Variants in ZFAND3 observed in about 807,000 individuals in gnomAD.
The protein encoded by ZFAND3 is zinc finger AN1-type containing 3, also known as AN1-type zinc finger protein 3.
A neutral mutation model predicts 29.6 loss-of-function variants in ZFAND3; 10 were observed. That is an observed-to-expected ratio of 0.34 (90% CI 0.21 to 0.57). The LOEUF is 0.57. ZFAND3 is among the 20% of genes least tolerant of loss of function. ZFAND3 has a pLI of 0.86. For missense variants in ZFAND3, 230 were observed against 304.5 expected (o/e 0.76, Z 1.82); for synonymous variants, 128 against 112.6 (o/e 1.14, Z -0.87).
chr6:38,059,994 C>G (rs901095615), intron 2 of ZFAND3, among the ~76,000 whole-genome samples: 2 of 152,176 alleles, frequency 1.3e-5, no homozygotes, highest in Admixed American at 6.5e-5. Flanking sequence ...TTGTCAGTTT[C>G]TCATCAATAT....
intron 5 of ZFAND3, among the ~76,000 whole-genome samples, chr6:38,134,841 G>T (rs2127492734): frequency 6.6e-6 from 1 of 152,306 alleles, no homozygotes; most frequent in East Asian, 1.9e-4. Flanking sequence ...ATAAGATTCT[G>T]TGCCAGCATA....
At chr6:37,899,743 A>G (rs1485787393) in intron 1 of ZFAND3, among the ~76,000 whole-genome samples, 1 of 152,210 alleles carries the variant, frequency 6.6e-6, no homozygotes, top group Non-Finnish European at 1.5e-5. Flanking sequence ...TAATACAACT[A>G]ATGCACATGG....
intron 2 of ZFAND3, among the ~76,000 whole-genome samples, chr6:37,969,124 G>A (rs1390688592): frequency 6.6e-6 from 1 of 152,208 alleles, no homozygotes; most frequent in Non-Finnish European, 1.5e-5. Flanking sequence ...ACAGTGTTAA[G>A]TGTTTGTGTG....
intron 1 of ZFAND3, among the ~76,000 whole-genome samples, chr6:37,902,059 T>C (rs1765327743): frequency 6.6e-6 from 1 of 152,224 alleles, no homozygotes; most frequent in Non-Finnish European, 1.5e-5. Context: ...TCAGCGTTTG[T>C]ATTTGTATAT....
chr6:38,085,314 A>C (rs1764735465), intron 4 of ZFAND3, among the ~76,000 whole-genome samples: 2 of 152,220 alleles, frequency 1.3e-5, no homozygotes, highest in South Asian at 4.1e-4. Context: ...TAGGAGACAC[A>C]GAGTGAGACC....
chr6:37,897,340 G>T (rs946221319), intron 1 of ZFAND3, among the ~76,000 whole-genome samples: 6 of 152,116 alleles, frequency 3.9e-5, no homozygotes, highest in African/African-American at 1.4e-4. Context: ...TGTCTGTAAG[G>T]TTCATCTTTG....
In ZFAND3 at chr6:38,154,085, C is replaced by G. The variant is rs978037862; in HGVS notation, c.*1696C>G. 1 of 985,466 alleles carries G rather than the reference C, an allele frequency of 1.0e-6. No individual in the cohort carries two copies. The highest frequency in any genetic ancestry group is 1.2e-6 in the Non-Finnish European group (1 of 830,020). The allele number at this position is 985,466 out of a possible 1,614,324, so 61.0% of individuals were successfully genotyped here. On this transcript the variant is annotated 3_prime_UTR_variant, in exon 6 of 6. Transcript: ENST00000287218. ...TTAATTCTTGCTTCAGGACCCAGAC[C>G]GGTGTCTTGCTCTAGGGCAACCCAG...
chr6:38,023,748 C>T (rs1763394516), intron 2 of ZFAND3, among the ~76,000 whole-genome samples: 1 of 152,124 alleles, frequency 6.6e-6, no homozygotes, highest in East Asian at 1.9e-4. Context: ...ATAGCTTTTA[C>T]AAAAAAGTGA....
intron 1 of ZFAND3, among the ~76,000 whole-genome samples, chr6:37,841,539 G>A (rs1401998301): frequency 1.3e-5 from 2 of 152,034 alleles, no homozygotes; most frequent in African/African-American, 2.4e-5. Flanking sequence ...GCTGGAGTGC[G>A]GTGGCGCGAA....
rs75644877 is a variant in ZFAND3, at chr6:38,115,084, G to A, written c.362-1488G>A. Among the ~76,000 whole-genome samples, 2,711 of 151,936 alleles carry A rather than the reference G, an allele frequency of 0.018. 252 individuals are homozygous for A. In the East Asian group the frequency reaches 0.28, roughly 16 times the overall value. On this transcript the variant is annotated intron_variant, in intron 4 of 5. Transcript: ENST00000287218. ...AATAAAATTTAAAAGAAAATGTGAC[G>A]TTGGAGCAAAGATATCAAAGGGAAT...
intron 1 of ZFAND3, among the ~76,000 whole-genome samples, chr6:37,918,971 TG>T (rs869147940): frequency 7.1e-5 from 8 of 111,956 alleles, no homozygotes; most frequent in South Asian, 2.6e-4. Context: ...TTTTTTTTTT[TG>T]AGACGGAGTC....
At chr6:37,826,675 TC>T (rs1400167635) in intron 1 of ZFAND3, among the ~76,000 whole-genome samples, 1 of 151,148 alleles carries the variant, frequency 6.6e-6, no homozygotes, top group Non-Finnish European at 1.5e-5. Flanking sequence ...TTCGCTTGAA[TC>T]CAGGAGGCAG....
At chr6:38,101,390 A>G (rs1451202248) in intron 4 of ZFAND3, among the ~76,000 whole-genome samples, 1 of 152,214 alleles carries the variant, frequency 6.6e-6, no homozygotes, top group Non-Finnish European at 1.5e-5. Context: ...GAAAAGGTGT[A>G]AGGCTTTCTC....
At chr6:37,853,099 T>C (rs369697813) in intron 1 of ZFAND3, among the ~76,000 whole-genome samples, 6 of 152,264 alleles carry the variant, frequency 3.9e-5, no homozygotes, top group African/African-American at 1.4e-4. Flanking sequence ...TTTCACTTCA[T>C]TTTATATGGT....
At chr6:37,865,448 A>G (rs565611555) in intron 1 of ZFAND3, among the ~76,000 whole-genome samples, 1 of 152,330 alleles carries the variant, frequency 6.6e-6, no homozygotes, top group South Asian at 2.1e-4. Flanking sequence ...AGCTGACTGT[A>G]TGTAAAATAT....
chr6:38,095,294 A>C (rs9470772), intron 4 of ZFAND3, among the ~76,000 whole-genome samples: 18,036 of 152,248 alleles, frequency 0.12, 1,328 homozygotes, highest in East Asian at 0.28. Context: ...AAAGAATGTT[A>C]CTACAGCAAA....
intron 5 of ZFAND3, among the ~76,000 whole-genome samples, chr6:38,144,979 C>A (rs936524680): frequency 6.6e-6 from 1 of 152,216 alleles, no homozygotes; most frequent in African/African-American, 2.4e-5. Context: ...TTCTTTGTCT[C>A]CCTCAGGAAA....
intron 1 of ZFAND3, among the ~76,000 whole-genome samples, chr6:37,922,075 A>G (rs1008885056): frequency 6.6e-6 from 1 of 152,110 alleles, no homozygotes; most frequent in Non-Finnish European, 1.5e-5. Flanking sequence ...TAAATGAAAT[A>G]TAAAATATAA....
rs548676388 is a variant in ZFAND3 at position 37,853,329 on chromosome 6, A to G, written c.71+33313A>G. ...CTGAGGGGCAACATGAGATCCCAGGAGCACAAACTTAGAGGGGTGTTGAAA... is the reference window on the plus strand; with the variant it reads ...CTGAGGGGCAACATGAGATCCCAGGGGCACAAACTTAGAGGGGTGTTGAAA... On this transcript the variant is annotated intron_variant, in intron 1 of 5. Transcript: ENST00000287218. Among the ~76,000 whole-genome samples the G allele has an allele frequency of 6.0e-5, 9 of 151,030 alleles. No individual in the cohort carries two copies. In the South Asian group the frequency reaches 1.9e-3, roughly 32 times the overall value.
Sources: gnomAD v4.1 joint callset for allele counts (sites outside exome capture counted in the v4.1 genomes callset) on GRCh38, gnomAD v4.1.1 for gene constraint, MANE v1.5 for transcripts, NCBI Gene and HGNC (gene_info 2026-07-23, HGNC 2026-07-21) for gene names.